Variants in CHD9 observed in about 807,000 individuals in gnomAD.
CHD9 encodes the protein ATP-dependent chromatin remodeler CHD9.
A neutral mutation model predicts 316.1 loss-of-function variants in CHD9; 77 were observed. The observed-to-expected ratio is 0.24, with a 90% CI of 0.20 to 0.29. The LOEUF (loss-of-function observed/expected upper bound fraction) is 0.29. Ranked by LOEUF, CHD9 falls within the 10% of genes least tolerant of loss-of-function variation. The pLI is 1.00. For missense variants in CHD9, 2,763 were observed against 3,438.1 expected (o/e 0.80, Z 4.91); for synonymous variants, 1,129 against 1,158.3 (o/e 0.97, Z 0.51).
intron 2 of CHD9, among the ~76,000 whole-genome samples, chr16:53,173,233 G>A (rs552382488): frequency 7.0e-6 from 1 of 143,228 alleles, no homozygotes; most frequent in Admixed American, 6.9e-5. Context: ...GTCTCCTTAG[G>A]TTATCTGTGT....
In CHD9 at chr16:53,211,827, G is replaced by C. The variant is rs190831305; in HGVS notation, c.1784+2014G>C. ...AATTCATATACAATCCAGAATTCCA[G>C]TATTAGCCAATGAAATATTTCATTA... is the stretch of plus-strand genomic sequence containing the variant. On this transcript the variant is annotated intron_variant, in intron 3 of 38. Transcript: ENST00000447540. 1.9e-4 allele frequency among the ~76,000 whole-genome samples: 29 copies of C among 152,186 alleles called. No individual in the cohort carries two copies. The East Asian group carries it at 3.9e-3, about 20-fold the overall frequency.
Position 53,304,674 on chromosome 16 carries a change from TTTTCTTTTCTTTTCTTTTC to T in CHD9, c.6619+53_6619+71del, listed in dbSNP as rs978904558. The T allele has an allele frequency of 3.0e-6, 4 of 1,314,858 alleles. No individual in the cohort carries two copies. In the African/African-American group the frequency reaches 4.8e-5, roughly 16 times the overall value. The allele number at this position is 1,314,858 out of a possible 1,614,324, so 81.4% of individuals were successfully genotyped here. A position where few individuals can be genotyped will look rare whatever the true frequency, so the allele number is the denominator to read the frequency against. ...CTTTTTTAACATAACTTTTCTTTTCTTTTCTTTTCTTTTCTTTTCTTTTTTTTTTTTTTTTTTGAGATGG... is the reference window on the plus strand; with the variant it reads ...CTTTTTTAACATAACTTTTCTTTTCTTTTTTTTTTTTTTTTTTTGAGATGG... On this transcript the variant is annotated intron_variant, in intron 31 of 38. Transcript: ENST00000447540.
At chr16:53,091,008 C>G (rs28425645) in intron 1 of CHD9, among the ~76,000 whole-genome samples, 65,011 of 151,386 alleles carry the variant, frequency 0.43, 14,874 homozygotes, top group East Asian at 0.6. Flanking sequence ...CTCACCCCCC[C>G]CCGACTGACC....
At chr16:53,118,279 T>C (rs375155760) in intron 1 of CHD9, among the ~76,000 whole-genome samples, 28 of 152,156 alleles carry the variant, frequency 1.8e-4, no homozygotes, top group African/African-American at 6.7e-4. Context: ...TAGCTAGGTG[T>C]AGAGGTGCAC....
chr16:53,127,477 A>G (rs2039020436), intron 1 of CHD9, among the ~76,000 whole-genome samples: 1 of 152,234 alleles, frequency 6.6e-6, no homozygotes, highest in African/African-American at 2.4e-5. Context: ...TGGAATTGGA[A>G]ACTCAGGCTG....
intron 2 of CHD9, among the ~76,000 whole-genome samples, chr16:53,159,132 A>T (rs1358359216): frequency 2.0e-5 from 3 of 152,192 alleles, no homozygotes; most frequent in South Asian, 2.1e-4. Context: ...TTTTTAAAAA[A>T]TTAGCCAGGT....
At chr16:53,164,188 G>C (rs1028199947) in intron 2 of CHD9, among the ~76,000 whole-genome samples, 3 of 152,116 alleles carry the variant, frequency 2.0e-5, no homozygotes, top group African/African-American at 7.2e-5. Flanking sequence ...TCTTTAAGTG[G>C]CAAAGACCAT....
At chr16:53,172,817 A>G (rs2042862009) in intron 2 of CHD9, among the ~76,000 whole-genome samples, 2 of 152,148 alleles carry the variant, frequency 1.3e-5, no homozygotes, top group Non-Finnish European at 2.9e-5. Context: ...CTATCCATAT[A>G]TATCCTTTGG....
At chr16:53,151,152 T>C (rs1363947387) in intron 1 of CHD9, among the ~76,000 whole-genome samples, 2 of 151,796 alleles carry the variant, frequency 1.3e-5, no homozygotes, top group Non-Finnish European at 2.9e-5. Context: ...TGATTCACTT[T>C]TCTTCTTCAT....
At chr16:53,185,118 CA>C (rs1158456441) in intron 2 of CHD9, among the ~76,000 whole-genome samples, 4 of 152,038 alleles carry the variant, frequency 2.6e-5, no homozygotes, top group Admixed American at 2.0e-4. Flanking sequence ...TAAAGATACC[CA>C]AAAATATGGA....
chr16:53,069,037 C>G (rs947844541), intron 1 of CHD9, among the ~76,000 whole-genome samples: 1 of 151,912 alleles, frequency 6.6e-6, no homozygotes, highest in Non-Finnish European at 1.5e-5. Context: ...CAGGGTCTTG[C>G]TCTACTGCCC....
intron 2 of CHD9, chr16:53,208,466 C>G (rs1253084583): frequency 8.6e-7 from 1 of 1,169,070 alleles, no homozygotes; most frequent in African/African-American, 1.6e-5. Context: ...GCATCGCCAT[C>G]TTGAGCTTGT....
At chr16:53,122,832 G>A (rs904040234) in intron 1 of CHD9, among the ~76,000 whole-genome samples, 5 of 151,566 alleles carry the variant, frequency 3.3e-5, no homozygotes, top group African/African-American at 9.7e-5. Flanking sequence ...TCAGCCTCCC[G>A]AGTAGCTGGG....
At chr16:53,057,178 T>A (rs571232967) in intron 1 of CHD9, among the ~76,000 whole-genome samples, 12 of 151,862 alleles carry the variant, frequency 7.9e-5, no homozygotes, top group Admixed American at 4.6e-4. Flanking sequence ...AAAGAATTTT[T>A]AAAAAAATAT....
At chr16:53,200,644 A>G (rs1262161993) in intron 2 of CHD9, among the ~76,000 whole-genome samples, 1 of 152,230 alleles carries the variant, frequency 6.6e-6, no homozygotes, top group Non-Finnish European at 1.5e-5. Flanking sequence ...CACAGTAATG[A>G]TTGTTATGGG....
At chr16:53,155,187 C>G (rs893448187) in intron 1 of CHD9, among the ~76,000 whole-genome samples, 2 of 151,910 alleles carry the variant, frequency 1.3e-5, no homozygotes, top group African/African-American at 4.8e-5. Context: ...AAATACTTGC[C>G]AAGTAAAATT....
intron 2 of CHD9, among the ~76,000 whole-genome samples, chr16:53,179,400 C>T (rs962448616): frequency 2.0e-5 from 3 of 152,032 alleles, no homozygotes; most frequent in African/African-American, 4.8e-5. Flanking sequence ...ATTAAAAACA[C>T]TATTTAAAAT....
At chr16:53,300,021 G>A (rs1026279026) in intron 30 of CHD9, among the ~76,000 whole-genome samples, 21 of 152,220 alleles carry the variant, frequency 1.4e-4, no homozygotes, top group African/African-American at 4.8e-4. Flanking sequence ...TTTAACTGTT[G>A]TTAAAAGATA....
chr16:53,183,635 C>T (rs2043719637), intron 2 of CHD9, among the ~76,000 whole-genome samples: 1 of 152,060 alleles, frequency 6.6e-6, no homozygotes, highest in African/African-American at 2.4e-5. Context: ...TTTCTAATGC[C>T]GAGTACAGTG....
Sources: allele counts gnomAD v4.1 joint callset (sites outside exome capture counted in the v4.1 genomes callset), GRCh38; gene constraint gnomAD v4.1.1; transcripts MANE v1.5; gene names NCBI Gene and HGNC (gene_info 2026-07-23, HGNC 2026-07-21).